Variants in SAMMSON observed in about 807,000 individuals in gnomAD.
SAMMSON encodes the protein long intergenic non-protein coding RNA 1212.
chr3:70,035,501 C>T (rs1009224542), intron 3 of SAMMSON, among the ~76,000 whole-genome samples: 5 of 152,122 alleles, frequency 3.3e-5, no homozygotes, highest in African/African-American at 1.2e-4. Flanking sequence ...AGCTAGGAAT[C>T]CAGGGTGGCC....
At chr3:70,272,795 G>T (rs1410085895) in intron 6 of SAMMSON, among the ~76,000 whole-genome samples, 1 of 152,104 alleles carries the variant, frequency 6.6e-6, no homozygotes, top group East Asian at 1.9e-4. Flanking sequence ...AAGCATAAAT[G>T]AATATTGCTT....
chr3:70,180,386 T>C (rs908319313), intron 4 of SAMMSON, among the ~76,000 whole-genome samples: 2 of 152,140 alleles, frequency 1.3e-5, no homozygotes, highest in Admixed American at 6.5e-5. Context: ...TATTGACAGT[T>C]ACTCATATAT....
At chr3:70,309,574 C>T (rs1702437316) in intron 7 of SAMMSON, among the ~76,000 whole-genome samples, 1 of 152,144 alleles carries the variant, frequency 6.6e-6, no homozygotes, top group South Asian at 2.1e-4. Context: ...GATGGCTGAG[C>T]TGAGATTTAG....
intron 2 of SAMMSON, among the ~76,000 whole-genome samples, chr3:70,013,101 T>A (rs898316197): frequency 6.6e-6 from 1 of 152,260 alleles, no homozygotes; most frequent in Non-Finnish European, 1.5e-5. Context: ...AACTACCTGT[T>A]CCTTTATTTA....
intron 2 of SAMMSON, chr3:70,425,083 A>G (rs1174967281): frequency 6.6e-6 from 1 of 152,296 alleles, no homozygotes; most frequent in Non-Finnish European, 1.5e-5. Context: ...AGGAACATTT[A>G]TAGGAGGCAA....
intron 6 of SAMMSON, among the ~76,000 whole-genome samples, chr3:70,263,944 C>A (rs1701891365): frequency 6.6e-6 from 1 of 152,152 alleles, no homozygotes; most frequent in Non-Finnish European, 1.5e-5. Context: ...TACATTATTT[C>A]TAGTTCTTTA....
intron 3 of SAMMSON, among the ~76,000 whole-genome samples, chr3:70,031,158 A>G (rs575600788): frequency 2.6e-5 from 4 of 152,340 alleles, no homozygotes; most frequent in South Asian, 4.1e-4. Flanking sequence ...TCAACAGAAG[A>G]ATTCGTAAAC....
chr3:70,142,629 A>G (rs1476086100), intron 4 of SAMMSON, among the ~76,000 whole-genome samples: 1 of 152,102 alleles, frequency 6.6e-6, no homozygotes. Context: ...CTCACAAATC[A>G]CCACCAAAGA....
chr3:70,089,430 C>T (rs1339349193), intron 4 of SAMMSON, among the ~76,000 whole-genome samples: 2 of 151,762 alleles, frequency 1.3e-5, no homozygotes, highest in Admixed American at 6.6e-5. Flanking sequence ...AGTAAATTAG[C>T]CAAGGTTATT....
At chr3:70,178,797 C>T (rs1043865116) in intron 4 of SAMMSON, among the ~76,000 whole-genome samples, 5 of 152,094 alleles carry the variant, frequency 3.3e-5, no homozygotes, top group African/African-American at 9.7e-5. Context: ...GCACTTGAAG[C>T]CAGGAGTTAG....
intron 3 of SAMMSON, among the ~76,000 whole-genome samples, chr3:70,026,283 A>T (rs1198951365): frequency 6.6e-6 from 1 of 152,134 alleles, no homozygotes; most frequent in Non-Finnish European, 1.5e-5. Context: ...AGTGTTCCTG[A>T]TTTAGTGTAG....
At chr3:70,304,405 T>C (rs1702380494) in intron 7 of SAMMSON, among the ~76,000 whole-genome samples, 1 of 152,188 alleles carries the variant, frequency 6.6e-6, no homozygotes, top group South Asian at 2.1e-4. Context: ...TATTGCCCAG[T>C]TGACAGTTTC....
chr3:70,052,736 C>T (rs531366613), intron 3 of SAMMSON, among the ~76,000 whole-genome samples: 1 of 152,118 alleles, frequency 6.6e-6, no homozygotes, highest in African/African-American at 2.4e-5. Context: ...CATTGTAGGA[C>T]GTGTAGCACC....
chr3:70,136,150 G>GTGTAGT (rs1299209186), intron 4 of SAMMSON, among the ~76,000 whole-genome samples: 17 of 152,188 alleles, frequency 1.1e-4, no homozygotes, highest in Admixed American at 4.6e-4. Flanking sequence ...TGGGGAACGT[G>GTGTAGT]TGTAGTTGCC....
At chr3:70,203,738 C>T (rs1701265221) in intron 4 of SAMMSON, among the ~76,000 whole-genome samples, 1 of 152,150 alleles carries the variant, frequency 6.6e-6, no homozygotes, top group African/African-American at 2.4e-5. Context: ...TGATTTTCCT[C>T]TTCCACCTGG....
At chr3:70,209,860 G>A (rs1308778166) in intron 4 of SAMMSON, among the ~76,000 whole-genome samples, 1 of 152,030 alleles carries the variant, frequency 6.6e-6, no homozygotes, top group African/African-American at 2.4e-5. Context: ...TCTTTGCAAA[G>A]CAAAACTACC....
At chr3:70,069,107 C>T (rs2067220739) in intron 3 of SAMMSON, 1 of 151,906 alleles carries the variant, frequency 6.6e-6, no homozygotes, top group African/African-American at 2.4e-5. Context: ...GGTTAGGAAC[C>T]CAGAGCTCAC....
intron 6 of SAMMSON, among the ~76,000 whole-genome samples, chr3:70,264,064 T>G (rs6549314): frequency 1 from 152,254 of 152,300 alleles, 76,104 homozygotes; most frequent in East Asian, 1. Context: ...TCATCTTGTG[T>G]CTAGCACAAT....
rs1048265895 is a variant in SAMMSON, at chr3:70,205,880, G to A, written n.508-43227G>A. On this transcript the variant is annotated intron_variant and non_coding_transcript_variant, in intron 4 of 9. Transcript: ENST00000642114. ...CAAAATCTTGAATGGTTTTTCTCCT[G>A]TAAAGGTCATTGCAAAGTTAACCTA... The A allele has an allele frequency of 2.0e-5, 3 of 152,100 alleles. No homozygotes were observed. In the South Asian group the frequency reaches 6.2e-4, roughly 32 times the overall value. 9.4% of individuals were successfully genotyped at this position (152,100 alleles called of 1,614,324 possible). A position where few individuals can be genotyped will look rare whatever the true frequency, so the allele number is the denominator to read the frequency against.
Sources: allele counts gnomAD v4.1 joint callset (sites outside exome capture counted in the v4.1 genomes callset), GRCh38; gene constraint gnomAD v4.1.1; transcripts MANE v1.5; gene names NCBI Gene and HGNC (gene_info 2026-07-23, HGNC 2026-07-21).